TPP2: variants seen among roughly 807,000 people sequenced by gnomAD.
TPP2 encodes tripeptidyl-peptidase 2.
Under a neutral mutation model 155.9 loss-of-function variants are expected in TPP2, and 34 were observed. The ratio of observed to expected loss-of-function variants is 0.22; its 90% confidence interval spans 0.17 to 0.29. TPP2 has a LOEUF of 0.29. Among genes scored for constraint, TPP2 ranks in the 10% least tolerant of loss-of-function variants. The probability of loss-of-function intolerance (pLI) is 1.00; values close to 1 mark genes in which losing one functional copy is unlikely to be tolerated. For missense variants in TPP2, 1,028 were observed against 1,522.3 expected (o/e 0.68, Z 5.40); for synonymous variants, 510 against 529.4 (o/e 0.96, Z 0.50).
chr13:102,608,990 G>A (rs1880058739), intron 2 of TPP2, among the ~76,000 whole-genome samples: 1 of 152,146 alleles, frequency 6.6e-6, no homozygotes, highest in African/African-American at 2.4e-5. Context: ...CATAATATCA[G>A]TATACACTAT....
chr13:102,618,153 G>A lies in TPP2; in HGVS notation c.496-569G>A, dbSNP rs61277432. The stretch of plus-strand genomic sequence containing the variant: ...GTTGTTGTCTAGTGTGTACGTAATC[G>A]AATTTAAAGCACTTGGTTTTATTCA... On this transcript the variant is annotated intron_variant, in intron 4 of 29. Transcript: ENST00000376052. 4.9e-3 allele frequency among the ~76,000 whole-genome samples: 752 copies of A among 152,158 alleles called. 7 individuals carry two copies. The highest frequency in any genetic ancestry group is 0.017 in the African/African-American group (715 of 41,500).
chr13:102,617,116 G>A (rs2148763), intron 4 of TPP2, among the ~76,000 whole-genome samples: 41,468 of 151,150 alleles, frequency 0.27, 7,743 homozygotes, highest in African/African-American at 0.53. Flanking sequence ...GGGTTTCACC[G>A]TGTTGGCCAG....
At chr13:102,674,729 A>G (rs1019361743) in intron 28 of TPP2, among the ~76,000 whole-genome samples, 1 of 152,198 alleles carries the variant, frequency 6.6e-6, no homozygotes, top group Non-Finnish European at 1.5e-5. Context: ...GTTTGAGAAT[A>G]TGTGTAGTAG....
rs751401226 is a variant in TPP2, at chr13:102,644,660, C to T, written c.2279C>T (p.Pro760Leu). Residue 760 changes from proline to leucine, a missense_variant, in exon 18 of 30, where the codon CCT (proline) becomes CTT (leucine). Coordinates refer to ENST00000376052, the MANE Select transcript of TPP2 (RefSeq NM_001330588.2). ...TTCCATGGGATAGTGTGTACTGCTC[C>T]TCAGTTAAACATTGTAAGTTCCACA... ...ISFHGIVCTAPQLNIHASEGI... is the reference protein window; with the variant it reads ...ISFHGIVCTALQLNIHASEGI... 1.2e-6 allele frequency: 2 copies of T among 1,601,326 alleles called. No individual in the cohort carries two copies. The highest frequency in any genetic ancestry group is 2.7e-5 in the African/African-American group (2 of 74,184).
chr13:102,631,622 A>G (rs1595165552), intron 10 of TPP2: 1 of 152,390 alleles, frequency 6.6e-6, no homozygotes, highest in East Asian at 1.9e-4. Context: ...GATACTCGCC[A>G]TAGAGCATTT....
At chr13:102,642,973 A>C (rs1266691760) in intron 16 of TPP2, among the ~76,000 whole-genome samples, 1 of 152,174 alleles carries the variant, frequency 6.6e-6, no homozygotes, top group Non-Finnish European at 1.5e-5. Context: ...TTGCAGCCTC[A>C]TGGTGGTGGT....
intron 27 of TPP2, among the ~76,000 whole-genome samples, chr13:102,667,602 A>G (rs679331): frequency 0.67 from 101,220 of 152,132 alleles, 33,880 homozygotes; most frequent in Middle Eastern, 0.7. Flanking sequence ...AAGGTATTCA[A>G]TCTCAGCCAG....
intron 7 of TPP2, among the ~76,000 whole-genome samples, chr13:102,627,550 T>C (rs977211222): frequency 2.4e-4 from 37 of 151,942 alleles, no homozygotes; most frequent in African/African-American, 8.2e-4. Context: ...TAGTGATTTT[T>C]TAACCTAGGA....
chr13:102,658,040 C>T (rs904010305), intron 25 of TPP2, among the ~76,000 whole-genome samples: 2 of 152,222 alleles, frequency 1.3e-5, no homozygotes, highest in Non-Finnish European at 2.9e-5. Context: ...TGTTTCTGGT[C>T]GATTAAAACT....
rs1177440496 is a variant in TPP2 at position 102,617,358 on chromosome 13, G to A, written c.495+858G>A. Among the ~76,000 whole-genome samples the A allele has an allele frequency of 2.6e-5, 4 of 152,072 alleles. No homozygotes were observed. The South Asian group carries it at 8.3e-4, about 32-fold the overall frequency. On this transcript the variant is annotated intron_variant, in intron 4 of 29. Coordinates refer to ENST00000376052, the MANE Select transcript of TPP2 (RefSeq NM_001330588.2). ...CCTTGGTTCCCATATACTGATTTGT[G>A]GAATTGATACTGATGAACTGATTAT...
At chr13:102,654,838 C>T (rs688467) in intron 24 of TPP2, 1 of 414,762 alleles carries the variant, frequency 2.4e-6, no homozygotes, top group Non-Finnish European at 4.9e-6. Flanking sequence ...TCCATAAGAA[C>T]TTGGTGGTAG....
At chr13:102,640,142 TG>T in intron 15 of TPP2, 127 bp from the exon 16 acceptor site, 1 of 716,146 alleles carries the variant, frequency 1.4e-6, no homozygotes, top group Non-Finnish European at 2.2e-6. Flanking sequence ...CCTACTGTTT[TG>T]TAACCAGCTT....
chr13:102,624,874 T>C (rs1394608581), intron 6 of TPP2, among the ~76,000 whole-genome samples: 4 of 91,306 alleles, frequency 4.4e-5, no homozygotes, highest in Non-Finnish European at 8.7e-5. Context: ...TTTTTTTTTT[T>C]TTGAGACAGA....
chr13:102,663,135 T>TTA (rs377752321), intron 25 of TPP2, among the ~76,000 whole-genome samples: 374 of 112,654 alleles, frequency 3.3e-3, no homozygotes, highest in Middle Eastern at 8.8e-3. Flanking sequence ...TATTTATTTT[T>TTA]TTTAATTAAT....
chr13:102,647,369 G>C (rs1289138230), intron 21 of TPP2, 25 bp downstream of exon 21: 2 of 1,600,978 alleles, frequency 1.2e-6, no homozygotes, highest in Admixed American at 3.5e-5. Flanking sequence ...GTGATTTTTA[G>C]AATTAACGGA....
chr13:102,629,067 T>A (rs1294679405), intron 8 of TPP2, among the ~76,000 whole-genome samples: 1 of 152,224 alleles, frequency 6.6e-6, no homozygotes, highest in Admixed American at 6.5e-5. Flanking sequence ...CTTAAGTTCT[T>A]CCTAGTGCCT....
Position 102,602,303 on chromosome 13 carries a change from T to C in TPP2, c.166-2490T>C, listed in dbSNP as rs140531475. 6.1e-3 allele frequency among the ~76,000 whole-genome samples: 929 copies of C among 152,312 alleles called. 8 individuals are homozygous for C. The highest frequency in any genetic ancestry group is 0.022 in the African/African-American group (894 of 41,572). On this transcript the variant is annotated intron_variant, in intron 1 of 29. Transcript: ENST00000376052. ...TTTTTAATTATATTTTTGAGACATA[T>C]AGCCTATCTCTTCAGAATCAGTATC...
intron 17 of TPP2, among the ~76,000 whole-genome samples, chr13:102,644,264 C>T (rs868279595): frequency 6.6e-5 from 10 of 152,048 alleles, no homozygotes; most frequent in East Asian, 3.9e-4. Context: ...TATTTCACTT[C>T]GAAATAATAA....
In TPP2 at chr13:102,629,466, A is replaced by G. The variant is rs1363981028; in HGVS notation, c.1017-16A>G. On this transcript the variant is annotated splice_polypyrimidine_tract_variant and intron_variant, in intron 8 of 29. Coordinates refer to ENST00000376052, the MANE Select transcript of TPP2 (RefSeq NM_001330588.2). ...AGAGGCTGATTATATGTTCAAAGGA[A>G]TTCTCTCTTTTTCAGGAGAATTTGT... 1.0e-5 allele frequency: 15 copies of G among 1,482,478 alleles called. No homozygotes were observed. The highest frequency in any genetic ancestry group is 1.3e-5 in the Non-Finnish European group (15 of 1,123,046). 91.8% of individuals were successfully genotyped at this position (1,482,478 alleles called of 1,614,324 possible).
Sources: gnomAD v4.1 joint callset for allele counts (sites outside exome capture counted in the v4.1 genomes callset) on GRCh38, gnomAD v4.1.1 for gene constraint, MANE v1.5 for transcripts, NCBI Gene and HGNC (gene_info 2026-07-23, HGNC 2026-07-21) for gene names.